The following IMMP2L variants were observed in gnomAD, a reference collection of about 807,000 sequenced individuals.
IMMP2L encodes the protein mitochondrial inner membrane protease subunit 2.
Under a neutral mutation model 19.3 loss-of-function variants are expected in IMMP2L, and 18 were observed. The ratio of observed to expected loss-of-function variants is 0.93; its 90% CI spans 0.64 to 1.38. The LOEUF is 1.38. IMMP2L is among the 40% of genes most tolerant of loss of function. The pLI is 0.00. For missense variants in IMMP2L, 233 were observed against 218.2 expected, an observed-to-expected ratio of 1.07 and a Z score of -0.43; for synonymous variants, 76 against 73.0, an observed-to-expected ratio of 1.04 and a Z score of -0.21.
intron 3 of IMMP2L, among the ~76,000 whole-genome samples, chr7:111,444,362 C>A (rs1838075133): frequency 6.6e-6 from 1 of 152,046 alleles, no homozygotes; most frequent in Non-Finnish European, 1.5e-5. Context: ...AGTAAGACTG[C>A]TTGGTTCAAA....
intron 3 of IMMP2L, chr7:111,124,004 A>G: frequency 1.2e-6 from 2 of 1,614,088 alleles, no homozygotes; most frequent in Non-Finnish European, 8.5e-7. Flanking sequence ...CGGCAAGTGC[A>G]TTTCAGGGAC....
chr7:110,965,473 C>CT, intron 3 of IMMP2L, among the ~76,000 whole-genome samples: 1 of 152,068 alleles, frequency 6.6e-6, no homozygotes, highest in East Asian at 1.9e-4. Context: ...ACTAAGTTAA[C>CT]TTTTTTATTT....
chr7:110,767,387 T>C (rs563756002), intron 5 of IMMP2L, among the ~76,000 whole-genome samples: 2 of 152,290 alleles, frequency 1.3e-5, no homozygotes, highest in African/African-American at 4.8e-5. Flanking sequence ...TTTTAAATAA[T>C]TGATTTTGAA....
chr7:110,800,892 T>A (rs1338441088), intron 5 of IMMP2L, among the ~76,000 whole-genome samples: 1 of 152,004 alleles, frequency 6.6e-6, no homozygotes, highest in African/African-American at 2.4e-5. Flanking sequence ...CCAAGATGAG[T>A]CTACTCTATT....
At chr7:111,111,388 T>C (rs186623655) in intron 3 of IMMP2L, among the ~76,000 whole-genome samples, 125 of 150,486 alleles carry the variant, frequency 8.3e-4, no homozygotes, top group African/African-American at 3.1e-3. Context: ...CATCACAAAT[T>C]ACACTGCTTT....
At chr7:111,554,676 G>A (rs1243341784) in intron 1 of IMMP2L, among the ~76,000 whole-genome samples, 1 of 151,968 alleles carries the variant, frequency 6.6e-6, no homozygotes, top group African/African-American at 2.4e-5. Flanking sequence ...AGGCTGGAGT[G>A]CAGTACCACA....
At chr7:110,965,800 A>C (rs567661569) in intron 3 of IMMP2L, among the ~76,000 whole-genome samples, 3 of 152,166 alleles carry the variant, frequency 2.0e-5, no homozygotes, top group Admixed American at 6.6e-5. Context: ...TGTACTACTA[A>C]TAATAAAAAT....
chr7:111,383,183 C>T lies in IMMP2L; in HGVS notation c.239+104055G>A, dbSNP rs73203012. The stretch of plus-strand genomic sequence containing the variant: ...AGACTGAAGAGAATAAAGAGGGTTT[C>T]TCTCCTGTCTATATAACCCTAATTA... On this transcript the variant is annotated intron_variant, in intron 3 of 5. Transcript: ENST00000405709. Among the ~76,000 whole-genome samples, 366 of 152,200 alleles carry T rather than the reference C, an allele frequency of 2.4e-3. 3 individuals are homozygous for T. The highest frequency in any genetic ancestry group is 0.02 in the Middle Eastern group (6 of 294).
At chr7:111,327,413 A>T (rs1039685731) in intron 3 of IMMP2L, among the ~76,000 whole-genome samples, 2 of 151,690 alleles carry the variant, frequency 1.3e-5, no homozygotes, top group African/African-American at 4.8e-5. Context: ...TAACTAAATA[A>T]TTTCTACAAT....
At chr7:111,188,428 G>T (rs1808505276) in intron 3 of IMMP2L, among the ~76,000 whole-genome samples, 1 of 152,050 alleles carries the variant, frequency 6.6e-6, no homozygotes, top group Non-Finnish European at 1.5e-5. Flanking sequence ...ATGGCAGAAA[G>T]GGGGCAACAG....
At chr7:110,936,878 A>C (rs1816177106) in intron 4 of IMMP2L, among the ~76,000 whole-genome samples, 1 of 152,212 alleles carries the variant, frequency 6.6e-6, no homozygotes, top group Non-Finnish European at 1.5e-5. Flanking sequence ...CATGAAAAAC[A>C]TGATTTCATG....
At chr7:110,769,815 G>C (rs1584773066) in intron 5 of IMMP2L, among the ~76,000 whole-genome samples, 1 of 152,282 alleles carries the variant, frequency 6.6e-6, no homozygotes, top group East Asian at 1.9e-4. Flanking sequence ...ATAAGTGAGT[G>C]AAGTCAGCCC....
chr7:111,417,374 T>C (rs190355916), intron 3 of IMMP2L, among the ~76,000 whole-genome samples: 1 of 151,942 alleles, frequency 6.6e-6, no homozygotes, highest in Admixed American at 6.5e-5. Context: ...ATATATTCAG[T>C]TTGGGTGATA....
At chr7:110,814,916 C>CA (rs895023608) in intron 5 of IMMP2L, among the ~76,000 whole-genome samples, 4 of 151,898 alleles carry the variant, frequency 2.6e-5, no homozygotes, top group East Asian at 1.9e-4. Flanking sequence ...ATGTAGGTTT[C>CA]AAAAATGAAA....
chr7:110,683,344 T>C (rs957217521), intron 5 of IMMP2L, among the ~76,000 whole-genome samples: 1 of 152,132 alleles, frequency 6.6e-6, no homozygotes, highest in African/African-American at 2.4e-5. Context: ...TGCAATACTT[T>C]ATATAATTTT....
At chr7:111,081,446 T>G (rs1346233494) in intron 3 of IMMP2L, among the ~76,000 whole-genome samples, 2 of 152,200 alleles carry the variant, frequency 1.3e-5, no homozygotes, top group South Asian at 4.1e-4. Context: ...ATTTTAGACA[T>G]GCTAGCACCT....
intron 3 of IMMP2L, among the ~76,000 whole-genome samples, chr7:111,134,493 TA>T (rs147970571): frequency 0.087 from 13,207 of 151,978 alleles, 1,296 homozygotes; most frequent in African/African-American, 0.24. Context: ...TTTGGATTAT[TA>T]AGAGTAAAAA....
chr7:111,231,049 T>TGTGC (rs1813663852), intron 3 of IMMP2L, among the ~76,000 whole-genome samples: 1 of 151,504 alleles, frequency 6.6e-6, no homozygotes, highest in African/African-American at 2.4e-5. Flanking sequence ...TGTGTGTGTG[T>TGTGC]GTGTGTACAT....
Position 111,408,283 on chromosome 7 carries a change from A to G in IMMP2L, c.239+78955T>C, listed in dbSNP as rs945790737. 2.9e-4 allele frequency among the ~76,000 whole-genome samples: 44 copies of G among 151,714 alleles called. 2 individuals carry two copies. The highest frequency in any genetic ancestry group is 1.0e-3 in the African/African-American group (43 of 41,144). Reference sequence around the variant, plus strand: ...CATTGAAACAAGTAATAAGTATAATATTTATTATAAGACAGCTTGGCCAGT... The same window carrying G: ...CATTGAAACAAGTAATAAGTATAATGTTTATTATAAGACAGCTTGGCCAGT... On this transcript the variant is annotated intron_variant, in intron 3 of 5. Transcript: ENST00000405709.
Sources: gnomAD v4.1 joint callset for allele counts (sites outside exome capture counted in the v4.1 genomes callset) on GRCh38, gnomAD v4.1.1 for gene constraint, MANE v1.5 for transcripts, NCBI Gene and HGNC (gene_info 2026-07-23, HGNC 2026-07-21) for gene names.